The following NAB1 variants were observed in gnomAD, a reference collection of about 807,000 sequenced individuals.
NAB1 encodes NGFI-A binding protein 1.
Under a neutral mutation model 49.9 loss-of-function variants are expected in NAB1, and 25 were observed. The observed-to-expected ratio is 0.50, with a 90% CI of 0.37 to 0.70. NAB1 has a LOEUF of 0.70. Among genes scored for constraint, NAB1 ranks in the 30% least tolerant of loss-of-function variants. The pLI, the probability that NAB1 is intolerant of heterozygous loss-of-function variation, is 0.00. For missense variants in NAB1, 489 were observed against 575.9 expected, an observed-to-expected ratio of 0.85 and a Z score of 1.54; for synonymous variants, 198 against 215.6, an observed-to-expected ratio of 0.92 and a Z score of 0.71.
At position 190,669,200 on chromosome 2, in the gene NAB1, T is replaced by G. The variant is rs115110157; in HGVS notation, c.820-1126T>G. 6.9e-3 allele frequency among the ~76,000 whole-genome samples: 1,058 copies of G among 152,300 alleles called. 13 individuals are homozygous for G. Among genetic ancestry groups the G allele is most frequent in the African/African-American group, 0.024 (998 of 41,542 alleles). ...TGGCACACAGTTTAAAACTTATGAA[T>G]TGTTTATTTGTATAATTTTTCATTT... On this transcript the variant is annotated intron_variant, in intron 4 of 9. Coordinates refer to ENST00000337386, the MANE Select transcript of NAB1 (RefSeq NM_005966.4). The surrounding 1 kb of genome is among the most constrained non-coding windows in gnomAD (Gnocchi z 4.3).
Position 190,674,678 on chromosome 2 carries a change from G to A in NAB1, c.1005+1526G>A, listed in dbSNP as rs938573354. Among the ~76,000 whole-genome samples, 1 of 152,134 alleles carries A rather than the reference G, an allele frequency of 6.6e-6. No homozygotes were observed. The highest frequency in any genetic ancestry group is 2.4e-5 in the African/African-American group (1 of 41,430). On this transcript the variant is annotated intron_variant, in intron 6 of 9. Coordinates refer to ENST00000337386, the MANE Select transcript of NAB1 (RefSeq NM_005966.4). The surrounding 1 kb of genome is among the most constrained non-coding windows in gnomAD (Gnocchi z 5.7). ...TGAATGGCTGCAGATAAGCATCTTT[G>A]ACTTATAAACACTTTATCTGAAAGC...
chr2:190,662,873 G>A (rs1228184732), intron 4 of NAB1, among the ~76,000 whole-genome samples: 1 of 152,182 alleles, frequency 6.6e-6, no homozygotes, highest in Non-Finnish European at 1.5e-5. Flanking sequence ...AAACTCTGCA[G>A]GAATTGGGGT....
rs1574477218 is a variant in NAB1 at position 190,683,842 on chromosome 2, C to T, written c.1095+15C>T. ...TTAGTTCACAGGTAACATAAACTCCCAGTTATTACTCCATGATAGTATCTG... is the reference window on the plus strand; with the variant it reads ...TTAGTTCACAGGTAACATAAACTCCTAGTTATTACTCCATGATAGTATCTG... On this transcript the variant is annotated intron_variant, in intron 7 of 9. Coordinates refer to ENST00000337386, the MANE Select transcript of NAB1 (RefSeq NM_005966.4). 1.3e-6 allele frequency: 2 copies of T among 1,578,406 alleles called. No homozygotes were observed. Among genetic ancestry groups the T allele is most frequent in the East Asian group, 4.5e-5 (2 of 44,626 alleles).
Position 190,676,960 on chromosome 2 carries a change from A to G in NAB1, c.1005+3808A>G, listed in dbSNP as rs144652956. 8.5e-5 allele frequency: 13 copies of G among 152,380 alleles called. No homozygotes were observed. Among genetic ancestry groups the G allele is most frequent in the African/African-American group, 2.6e-4 (11 of 41,602 alleles). The allele number at this position is 152,380 out of a possible 1,614,324, so 9.4% of individuals were successfully genotyped here. ...AACATCAAAATAATTTGACATGTAA[A>G]GGAAAGAGAAACATTTTTTTGCTTG... On this transcript the variant is annotated intron_variant, in intron 6 of 9. Transcript: ENST00000337386. The surrounding 1 kb of genome is among the most constrained non-coding windows in gnomAD (Gnocchi z 4.6).
chr2:190,669,322 G>T lies in NAB1; in HGVS notation c.820-1004G>T, dbSNP rs1694685456. Among the ~76,000 whole-genome samples the T allele has an allele frequency of 6.6e-6, 1 of 152,312 alleles. No homozygotes were observed. Among genetic ancestry groups the T allele is most frequent in the East Asian group, 1.9e-4 (1 of 5,194 alleles). ...TGCCGTACCTGATTTCTTATGAAAA[G>T]AAAACAAGAATTAACACTAACCACA... On this transcript the variant is annotated intron_variant, in intron 4 of 9. Coordinates refer to ENST00000337386, the MANE Select transcript of NAB1 (RefSeq NM_005966.4). This position sits in a 1 kb window ranked among gnomAD's most constrained non-coding sequence, Gnocchi z 4.3.
intron 9 of NAB1, among the ~76,000 whole-genome samples, chr2:190,687,643 G>T (rs1695686065): frequency 6.6e-6 from 1 of 152,124 alleles, no homozygotes; most frequent in Non-Finnish European, 1.5e-5. Flanking sequence ...TTGGATAAGG[G>T]ATGCTCAATT....
rs147233340 is a variant in NAB1 at position 190,692,009 on chromosome 2, T to G, written c.*1676T>G. On this transcript the variant is annotated 3_prime_UTR_variant, in exon 10 of 10. Transcript: ENST00000337386. This position sits in a 1 kb window ranked among gnomAD's most constrained non-coding sequence, Gnocchi z 5.2. ...TTCCCCTTCCTAAATGTTTTAATTG[T>G]ACCATAGTGTTTTGCTCACTGAAGA... The G allele has an allele frequency of 4.6e-5, 7 of 152,790 alleles. No homozygotes were observed. The East Asian group carries it at 1.2e-3, about 25-fold the overall frequency. 9.5% of individuals were successfully genotyped at this position (152,790 alleles called of 1,614,324 possible).
intron 2 of NAB1, among the ~76,000 whole-genome samples, chr2:190,655,504 G>C (rs994442710): frequency 2.0e-5 from 3 of 152,188 alleles, no homozygotes; most frequent in Admixed American, 1.3e-4. Flanking sequence ...AAATAATATA[G>C]CATTACCAAA....
At chr2:190,672,986 G>A (rs1284668706) in intron 5 of NAB1, 115 bp from the exon 6 acceptor site, 2 of 802,254 alleles carry the variant, frequency 2.5e-6, no homozygotes, top group Non-Finnish European at 4.1e-6. Context: ...GTCATTTCTG[G>A]TGTTGGAGTT....
At position 190,659,184 on chromosome 2, in the gene NAB1, C is replaced by T. The variant is rs759984574; in HGVS notation, c.8C>T (p.Ala3Val). The T allele has an allele frequency of 3.7e-6, 6 of 1,605,714 alleles. No individual in the cohort carries two copies. Among genetic ancestry groups the T allele is most frequent in the East Asian group, 2.2e-5 (1 of 44,720 alleles). ...TTAAACCCATCCAGAGTAATGGCTG[C>T]GGCCTTACCCAGGACCCTGGGGGAG... MA[A>V]ALPRTLGELQ... The change falls in exon 4 of 10, where the codon GCG becomes GTG. Residue 3 changes from alanine to valine, a missense_variant. Coordinates refer to ENST00000337386, the MANE Select transcript of NAB1 (RefSeq NM_005966.4). This position sits in a 1 kb window ranked among gnomAD's most constrained non-coding sequence, Gnocchi z 6.2.
At chr2:190,660,788 T>C (rs1485756724) in intron 4 of NAB1, among the ~76,000 whole-genome samples, 1 of 152,188 alleles carries the variant, frequency 6.6e-6, no homozygotes, top group East Asian at 1.9e-4. Context: ...ATTGTACTTA[T>C]TTGTATACTG....
chr2:190,687,228 C>A lies in NAB1; in HGVS notation c.1286C>A (p.Pro429His). 6.3e-7 allele frequency: 1 copy of A among 1,587,794 alleles called. No homozygotes were observed. Among genetic ancestry groups the A allele is most frequent in the East Asian group, 2.3e-5 (1 of 43,458 alleles). Reference protein sequence around the residue: ...QGERPLNLRMPNLQNRQPHHF... With the variant: ...QGERPLNLRMHNLQNRQPHHF... The stretch of plus-strand genomic sequence containing the variant: ...GAAAGACCTTTGAATCTCCGAATGC[C>A]TAATTTACAGAACAGACAACCCCAT... The change falls in exon 9 of 10, where the codon CCT (proline) becomes CAT (histidine). Residue 429 changes from proline (P) to histidine (H), a missense_variant. Coordinates refer to ENST00000337386, the MANE Select transcript of NAB1 (RefSeq NM_005966.4).
chr2:190,680,966 T>C lies in NAB1; in HGVS notation c.1006-2772T>C, dbSNP rs986602845. Among the ~76,000 whole-genome samples, 2 of 152,210 alleles carry C rather than the reference T, an allele frequency of 1.3e-5. No homozygotes were observed. Among genetic ancestry groups the C allele is most frequent in the Non-Finnish European group, 2.9e-5 (2 of 68,034 alleles). ...AAGTACTATTGTTATCCCCATTTTA[T>C]AGATGAGAAAATAGACACAGAGAGA... is the stretch of plus-strand genomic sequence containing the variant. On this transcript the variant is annotated intron_variant, in intron 6 of 9. Transcript: ENST00000337386. This position sits in a 1 kb window ranked among gnomAD's most constrained non-coding sequence, Gnocchi z 5.2.
rs1695199345 is a variant in NAB1, at chr2:190,678,901, C to T, written c.1006-4837C>T. Among the ~76,000 whole-genome samples the T allele has an allele frequency of 6.6e-6, 1 of 152,212 alleles. No homozygotes were observed. The highest frequency in any genetic ancestry group is 6.5e-5 in the Admixed American group (1 of 15,280). ...GAGAACATCTGCTGTAACAAGTCAT[C>T]TAGAGACAGCTAAGCAGTGGCTTTA... On this transcript the variant is annotated intron_variant, in intron 6 of 9. Coordinates refer to ENST00000337386, the MANE Select transcript of NAB1 (RefSeq NM_005966.4). The surrounding 1 kb of genome is among the most constrained non-coding windows in gnomAD (Gnocchi z 4.9).
Position 190,664,586 on chromosome 2 carries a change from C to CTTTTTTTTTTTTTTTTTTTTTTTT in NAB1, c.819+4596_819+4619dup, listed in dbSNP as rs71027237. ...TCTTCCTCTCTTTCTTTCTTCTTTC[C>CTTTTTTTTTTTTTTTTTTTTTTTT]TTTTTTTTTTTTTTTTTTTTTTTTT... On this transcript the variant is annotated intron_variant, in intron 4 of 9. Coordinates refer to ENST00000337386, the MANE Select transcript of NAB1 (RefSeq NM_005966.4). Among the ~76,000 whole-genome samples, 2 of 61,092 alleles carry CTTTTTTTTTTTTTTTTTTTTTTTT rather than the reference C, an allele frequency of 3.3e-5. 1 individual carries two copies. 40.1% of individuals were successfully genotyped at this position (61,092 alleles called of 152,430 possible). A position where few individuals can be genotyped will look rare whatever the true frequency, so the allele number is the denominator to read the frequency against.
chr2:190,661,569 T>TA (rs889889983), intron 4 of NAB1, among the ~76,000 whole-genome samples: 3 of 151,684 alleles, frequency 2.0e-5, no homozygotes, highest in East Asian at 1.9e-4. Flanking sequence ...TAACCTGACT[T>TA]AAAAAAAAAT....
intron 5 of NAB1, among the ~76,000 whole-genome samples, chr2:190,672,222 C>A (rs913740377): frequency 2.0e-5 from 3 of 152,004 alleles, no homozygotes; most frequent in Non-Finnish European, 4.4e-5. Context: ...TTCATTTAGC[C>A]CCTATTGATG....
At chr2:190,673,354 A>G in intron 6 of NAB1, 1 of 583,584 alleles carries the variant, frequency 1.7e-6, no homozygotes, top group Non-Finnish European at 3.0e-6. Flanking sequence ...ACCAAGGAAA[A>G]TTTTTTTAAA....
chr2:190,685,724 T>C lies in NAB1; in HGVS notation c.1258+86T>C, dbSNP rs746654693. On this transcript the variant is annotated intron_variant, in intron 8 of 9. Coordinates refer to ENST00000337386, the MANE Select transcript of NAB1 (RefSeq NM_005966.4). The surrounding 1 kb of genome is among the most constrained non-coding windows in gnomAD (Gnocchi z 4.5). ...AAGACAGTGGCTGATTTTTAAATTA[T>C]GATATTTTGTAGAGATTATTTTACA... 1.2e-4 allele frequency: 130 copies of C among 1,094,826 alleles called. No homozygotes were observed. The highest frequency in any genetic ancestry group is 1.4e-4 in the Non-Finnish European group (112 of 825,314). 67.8% of individuals were successfully genotyped at this position (1,094,826 alleles called of 1,614,324 possible).
Sources: gnomAD v4.1 joint callset for allele counts (sites outside exome capture counted in the v4.1 genomes callset) on GRCh38, gnomAD v4.1.1 for gene constraint, Gnocchi (gnomAD v3.1) non-coding constraint, MANE v1.5 for transcripts, NCBI Gene and HGNC (gene_info 2026-07-23, HGNC 2026-07-21) for gene names.